The following MYCBP2 variants were observed in gnomAD, a reference collection of about 807,000 sequenced individuals.
MYCBP2 encodes MYC binding protein 2.
Under a neutral mutation model 525.3 loss-of-function variants are expected in MYCBP2, and 120 were observed. The observed-to-expected ratio is 0.23, with a 90% CI of 0.20 to 0.27. The LOEUF is 0.27. MYCBP2 is among the 10% of genes least tolerant of loss of function. The pLI is 1.00. For synonymous variants in MYCBP2, 1,894 were observed against 1,955.8 expected (o/e 0.97, Z 0.83); for missense variants, 4,149 against 5,657.1 (o/e 0.73, Z 8.55).
chr13:77,121,098 T>C (rs2050616542), intron 55 of MYCBP2: 1 of 200,850 alleles, frequency 5.0e-6, no homozygotes, highest in Non-Finnish European at 9.9e-6. Flanking sequence ...ATAGAATCTT[T>C]AGGATATGAA....
At chr13:77,225,320 G>T (rs183049451) in intron 19 of MYCBP2, 115 bp downstream of exon 19, 117 of 1,357,336 alleles carry the variant, frequency 8.6e-5, no homozygotes, top group Admixed American at 5.5e-4. Flanking sequence ...TTGAGAGACT[G>T]CCACGCTACA....
intron 1 of MYCBP2, among the ~76,000 whole-genome samples, chr13:77,310,256 AC>A (rs1278180489): frequency 2.0e-5 from 3 of 152,100 alleles, no homozygotes; most frequent in Non-Finnish European, 2.9e-5. Context: ...ATTTTTATGC[AC>A]CCCGCTACCT....
At chr13:77,158,917 A>G (rs1346687955) in intron 44 of MYCBP2, among the ~76,000 whole-genome samples, 1 of 152,236 alleles carries the variant, frequency 6.6e-6, no homozygotes, top group African/African-American at 2.4e-5. Context: ...GTTAAGAAGA[A>G]GAGGCAGATA....
chr13:77,279,148 T>C (rs1159126450), intron 3 of MYCBP2, among the ~76,000 whole-genome samples: 1 of 152,180 alleles, frequency 6.6e-6, no homozygotes, highest in Non-Finnish European at 1.5e-5. Context: ...TCAAGGAAAA[T>C]TCAGTACTCT....
intron 31 of MYCBP2, 149 bp from the exon 32 acceptor site, chr13:77,185,526 C>T (rs2060640107): frequency 1.1e-6 from 1 of 873,242 alleles, no homozygotes; most frequent in Admixed American, 3.2e-5. Context: ...AAGTGTAGTC[C>T]CAATTTTTAA....
intron 73 of MYCBP2, 105 bp downstream of exon 73, chr13:77,064,510 A>G (rs1269287668): frequency 7.9e-7 from 1 of 1,266,684 alleles, no homozygotes; most frequent in Non-Finnish European, 1.1e-6. Context: ...TTAAAAAATA[A>G]TTATGTTGAC....
chr13:77,181,748 C>T lies in MYCBP2; in HGVS notation c.4894G>A (p.Val1632Ile). ...GCCACCAAAAGGGGAAAACGATGAA[C>T]TAGTGTTGAGTCGTTCTCTGTACTA... is the stretch of plus-strand genomic sequence containing the variant. Reference protein sequence around the residue: ...QVSTENDSTLVHRFPLLVAHM... With the variant: ...QVSTENDSTLIHRFPLLVAHM... The change falls in exon 33 of 83, where the codon GTT becomes ATT. Residue 1632 changes from valine to isoleucine, a missense_variant. Physicochemically the swap from Val to Ile is conservative, Grantham distance 29. Transcript: ENST00000544440. The T allele has an allele frequency of 6.2e-7, 1 of 1,614,070 alleles. No individual in the cohort carries two copies. Among genetic ancestry groups the T allele is most frequent in the South Asian group, 1.1e-5 (1 of 91,082 alleles).
chr13:77,309,022 G>T (rs1433505423), intron 1 of MYCBP2, among the ~76,000 whole-genome samples: 2 of 152,202 alleles, frequency 1.3e-5, no homozygotes, highest in Non-Finnish European at 2.9e-5. Flanking sequence ...TATGCAAATG[G>T]ATGCCAAAGG....
At chr13:77,253,991 T>C (rs2071689472) in intron 14 of MYCBP2, among the ~76,000 whole-genome samples, 2 of 151,882 alleles carry the variant, frequency 1.3e-5, no homozygotes, top group African/African-American at 4.8e-5. Flanking sequence ...AATAAGCCCA[T>C]CCATCAACAG....
intron 52 of MYCBP2, among the ~76,000 whole-genome samples, chr13:77,135,842 CTT>C (rs796942698): frequency 2.8e-5 from 4 of 145,018 alleles, no homozygotes; most frequent in African/African-American, 2.5e-5. Flanking sequence ...TCTTTTTTTT[CTT>C]TTTTTTTTTT....
At chr13:77,298,558 A>T (rs1217141327) in intron 1 of MYCBP2, among the ~76,000 whole-genome samples, 7 of 152,210 alleles carry the variant, frequency 4.6e-5, no homozygotes, top group African/African-American at 1.4e-4. Flanking sequence ...TAAGAGAAAG[A>T]GTGAGGAAGG....
chr13:77,274,834 T>G (rs539676475), intron 4 of MYCBP2, among the ~76,000 whole-genome samples: 12 of 152,204 alleles, frequency 7.9e-5, no homozygotes, highest in Non-Finnish European at 1.5e-4. Flanking sequence ...TTTCACTCCT[T>G]TGTTAATTTC....
intron 21 of MYCBP2, among the ~76,000 whole-genome samples, chr13:77,217,035 G>A (rs1765602550): frequency 6.6e-6 from 1 of 152,222 alleles, no homozygotes; most frequent in Admixed American, 6.5e-5. Flanking sequence ...GGATCAAAAT[G>A]TTAACAATAG....
chr13:77,160,307 C>T (rs2057752305), intron 44 of MYCBP2, among the ~76,000 whole-genome samples: 1 of 152,162 alleles, frequency 6.6e-6, no homozygotes, highest in South Asian at 2.1e-4. Context: ...GCTGTATGAT[C>T]GTGGGCGAAC....
At chr13:77,047,745 A>G (rs545086701) in intron 82 of MYCBP2, among the ~76,000 whole-genome samples, 1 of 152,296 alleles carries the variant, frequency 6.6e-6, no homozygotes, top group East Asian at 1.9e-4. Flanking sequence ...TCCTTTGTAT[A>G]GTCAGGGGGC....
At chr13:77,141,378 C>A (rs1163882982) in intron 49 of MYCBP2, among the ~76,000 whole-genome samples, 2 of 152,110 alleles carry the variant, frequency 1.3e-5, no homozygotes, top group Admixed American at 6.6e-5. Flanking sequence ...ATATCTCGCA[C>A]TAACTGTTTG....
intron 8 of MYCBP2, among the ~76,000 whole-genome samples, chr13:77,266,136 A>G (rs1165101158): frequency 6.6e-6 from 1 of 152,214 alleles, no homozygotes; most frequent in Non-Finnish European, 1.5e-5. Flanking sequence ...TCTTATCAAT[A>G]AGTCACAGTC....
In MYCBP2 at chr13:77,125,463, G is replaced by T; in HGVS notation, c.7890C>A (p.Thr2630=). The T allele has an allele frequency of 6.2e-7, 1 of 1,612,972 alleles. No individual in the cohort carries two copies. The highest frequency in any genetic ancestry group is 8.5e-7 in the Non-Finnish European group (1 of 1,179,462). Residue 2630 remains threonine (T), a synonymous_variant, in exon 54 of 83, where the codon ACC becomes ACA. Coordinates refer to ENST00000544440, the MANE Select transcript of MYCBP2 (RefSeq NM_015057.5). ...GNKVKAVGEV[T]NSEGTWVQLD... Reference sequence around the variant, plus strand: ...GTTGCACCCATGTCCCTTCAGAATTGGTTACCTGGTACATAACAAAAAGCA... The same window carrying T: ...GTTGCACCCATGTCCCTTCAGAATTTGTTACCTGGTACATAACAAAAAGCA...
At chr13:77,174,041 G>T (rs2059386145) in intron 37 of MYCBP2, among the ~76,000 whole-genome samples, 1 of 152,160 alleles carries the variant, frequency 6.6e-6, no homozygotes, top group African/African-American at 2.4e-5. Context: ...ATTATAGAGT[G>T]ACAGCAACAG....
Sources: gnomAD v4.1 joint callset for allele counts (sites outside exome capture counted in the v4.1 genomes callset) on GRCh38, gnomAD v4.1.1 for gene constraint, MANE v1.5 for transcripts, NCBI Gene and HGNC (gene_info 2026-07-23, HGNC 2026-07-21) for gene names.